Variants in TTC28 observed in about 807,000 individuals in gnomAD.
TTC28 encodes tetratricopeptide repeat protein 28.
A neutral mutation model predicts 198.0 loss-of-function variants in TTC28; 61 were observed. The ratio of observed to expected loss-of-function variants is 0.31; its 90% CI spans 0.25 to 0.38. The LOEUF (loss-of-function observed/expected upper bound fraction) is 0.38. Ranked by LOEUF, TTC28 falls within the 10% of genes least tolerant of loss-of-function variation. TTC28 has a pLI of 1.00. For synonymous variants in TTC28, 1,171 were observed against 1,297.8 expected (o/e 0.90, Z 2.10); for missense variants, 2,678 against 3,164.0 (o/e 0.85, Z 3.69).
rs114206846 is a variant in TTC28 at position 28,045,433 on chromosome 22, T to C, written c.3933-15067A>G. 9.5e-3 allele frequency among the ~76,000 whole-genome samples: 1,442 copies of C among 152,298 alleles called. 25 individuals carry two copies. The highest frequency in any genetic ancestry group is 0.032 in the African/African-American group (1,342 of 41,564). ...AGGCCTGGAGTCTAGGATACATTCCTTCTGGACATCACCTATGGCACTCAG... is the reference window on the plus strand; with the variant it reads ...AGGCCTGGAGTCTAGGATACATTCCCTCTGGACATCACCTATGGCACTCAG... On this transcript the variant is annotated intron_variant, in intron 12 of 22. Transcript: ENST00000397906.
intron 2 of TTC28, among the ~76,000 whole-genome samples, chr22:28,612,378 G>A (rs1256156515): frequency 6.6e-6 from 1 of 152,188 alleles, no homozygotes; most frequent in Non-Finnish European, 1.5e-5. Flanking sequence ...ATAAAAGTGA[G>A]AGACTTTAAT....
At chr22:28,170,069 T>A (rs1309465348) in intron 5 of TTC28, among the ~76,000 whole-genome samples, 1 of 152,092 alleles carries the variant, frequency 6.6e-6, no homozygotes, top group Non-Finnish European at 1.5e-5. Flanking sequence ...CTATACCTCA[T>A]CTCCTAGAAA....
chr22:28,457,678 T>G (rs2047883276), intron 2 of TTC28, among the ~76,000 whole-genome samples: 1 of 152,230 alleles, frequency 6.6e-6, no homozygotes, highest in Non-Finnish European at 1.5e-5. Flanking sequence ...AGTACCATAC[T>G]GTTTTAATTA....
At chr22:28,301,015 G>C (rs1290865117) in intron 3 of TTC28, among the ~76,000 whole-genome samples, 2 of 152,046 alleles carry the variant, frequency 1.3e-5, no homozygotes, top group Non-Finnish European at 2.9e-5. Flanking sequence ...ATGTCAATGT[G>C]TACAGATACA....
At chr22:28,254,083 G>T (rs1479311431) in intron 5 of TTC28, among the ~76,000 whole-genome samples, 5 of 146,542 alleles carry the variant, frequency 3.4e-5, no homozygotes, top group African/African-American at 1.0e-4. Context: ...CAGCCTGAGT[G>T]ACACAGTGAG....
intron 2 of TTC28, among the ~76,000 whole-genome samples, chr22:28,452,424 T>G (rs1176957660): frequency 6.9e-6 from 1 of 144,552 alleles, no homozygotes; most frequent in Non-Finnish European, 1.5e-5. Flanking sequence ...AAAAAGAGGC[T>G]GTATTTCTCT....
At chr22:28,646,100 G>A (rs907255759) in intron 1 of TTC28, among the ~76,000 whole-genome samples, 8 of 151,974 alleles carry the variant, frequency 5.3e-5, no homozygotes, top group African/African-American at 1.9e-4. Flanking sequence ...AAAAGTGAAG[G>A]GCATCCAAGT....
intron 5 of TTC28, among the ~76,000 whole-genome samples, chr22:28,187,709 G>A (rs1484537734): frequency 6.6e-6 from 1 of 152,186 alleles, no homozygotes; most frequent in Non-Finnish European, 1.5e-5. Flanking sequence ...GTACTTGAGA[G>A]CAATCTGGTG....
intron 2 of TTC28, among the ~76,000 whole-genome samples, chr22:28,525,782 C>T (rs970222397): frequency 5.3e-5 from 8 of 152,196 alleles, no homozygotes; most frequent in East Asian, 1.9e-4. Context: ...TAACAAAATT[C>T]GTATTTAAGA....
intron 2 of TTC28, among the ~76,000 whole-genome samples, chr22:28,463,724 G>A (rs1179623480): frequency 6.6e-6 from 1 of 151,340 alleles, no homozygotes; most frequent in Non-Finnish European, 1.5e-5. Flanking sequence ...AGGACACTTG[G>A]ACACAGGAAG....
chr22:28,367,963 A>C (rs1455501152), intron 2 of TTC28, among the ~76,000 whole-genome samples: 1 of 152,096 alleles, frequency 6.6e-6, no homozygotes, highest in Non-Finnish European at 1.5e-5. Flanking sequence ...CGATGGCTTC[A>C]CTGCTTAATT....
chr22:28,434,294 A>G (rs868282036), intron 2 of TTC28, among the ~76,000 whole-genome samples: 1 of 152,230 alleles, frequency 6.6e-6, no homozygotes, highest in African/African-American at 2.4e-5. Flanking sequence ...TGTGATAATA[A>G]TACTGAGTAA....
intron 2 of TTC28, among the ~76,000 whole-genome samples, chr22:28,355,238 T>C (rs16986349): frequency 6.6e-6 from 1 of 152,092 alleles, no homozygotes; most frequent in Non-Finnish European, 1.5e-5. Flanking sequence ...ATGAACACTA[T>C]GGAGGAAAAT....
At chr22:28,557,251 T>C (rs1357257954) in intron 2 of TTC28, among the ~76,000 whole-genome samples, 1 of 152,228 alleles carries the variant, frequency 6.6e-6, no homozygotes, top group African/African-American at 2.4e-5. Context: ...CTTCCAATAT[T>C]GTCTCTCCTG....
chr22:28,639,225 G>C (rs1469286843), intron 1 of TTC28, among the ~76,000 whole-genome samples: 2 of 151,600 alleles, frequency 1.3e-5, no homozygotes, highest in South Asian at 4.2e-4. Flanking sequence ...AATTTTATTA[G>C]ATCCATGTAA....
intron 12 of TTC28, among the ~76,000 whole-genome samples, chr22:28,053,679 C>T (rs1189906455): frequency 6.6e-6 from 1 of 152,166 alleles, no homozygotes. Flanking sequence ...CACAGATCAC[C>T]TGCCTTTGAC....
chr22:28,380,435 C>G (rs182894960), intron 2 of TTC28, among the ~76,000 whole-genome samples: 1 of 152,160 alleles, frequency 6.6e-6, no homozygotes, highest in Non-Finnish European at 1.5e-5. Flanking sequence ...TGAAACAAAT[C>G]CCAAAATAAT....
intron 12 of TTC28, among the ~76,000 whole-genome samples, chr22:28,058,565 T>G (rs1007311943): frequency 2.6e-5 from 4 of 152,092 alleles, no homozygotes; most frequent in Admixed American, 2.6e-4. Context: ...CATGAGTAAT[T>G]TGGTTTGCAA....
At position 27,993,380 on chromosome 22, in the gene TTC28, G is replaced by T; in HGVS notation, c.5383C>A (p.Pro1795Thr). The T allele has an allele frequency of 6.4e-7, 1 of 1,551,166 alleles. No homozygotes were observed. The highest frequency in any genetic ancestry group is 8.7e-7 in the Non-Finnish European group (1 of 1,146,970). The change falls in exon 18 of 23, where the codon CCA becomes ACA. Residue 1795 changes from proline (P) to threonine (T), a missense_variant. Transcript: ENST00000397906. ...LTAVGFRLDP[P>T]TSGLPAAVFF... ...ACAGCCGCTGGCAGGCCACTGGTTG[G>T]GGGGTCCAGCCGGAAGCCCACAGCG...
Sources: gnomAD v4.1 joint callset for allele counts (sites outside exome capture counted in the v4.1 genomes callset) on GRCh38, gnomAD v4.1.1 for gene constraint, MANE v1.5 for transcripts, NCBI Gene and HGNC (gene_info 2026-07-23, HGNC 2026-07-21) for gene names.